Variants in ATM observed in about 807,000 individuals in gnomAD.
The protein encoded by ATM is serine-protein kinase ATM.
A neutral mutation model predicts 387.0 loss-of-function variants in ATM; 308 were observed. The observed-to-expected ratio is 0.80, with a 90% CI of 0.73 to 0.87. The LOEUF (loss-of-function observed/expected upper bound fraction) is 0.87. ATM is among the 40% of genes least tolerant of loss of function. ATM has a pLI of 0.00. For synonymous variants in ATM, 1,156 were observed against 1,187.3 expected (o/e 0.97, Z 0.54); for missense variants, 3,312 against 3,560.9 (o/e 0.93, Z 1.78).
intron 61 of ATM, among the ~76,000 whole-genome samples, chr11:108,358,856 G>A (rs1005547600): frequency 2.0e-5 from 3 of 151,154 alleles, no homozygotes; most frequent in Admixed American, 6.6e-5. Flanking sequence ...AAAATGTAAA[G>A]ACCATCGAGA....
At chr11:108,357,310 G>C (rs145703988) in intron 61 of ATM, among the ~76,000 whole-genome samples, 3 of 148,170 alleles carry the variant, frequency 2.0e-5, no homozygotes, top group Non-Finnish European at 3.0e-5. Flanking sequence ...ACGGAGTCTC[G>C]CTGATTGCTA....
chr11:108,332,874 A>T lies in ATM; in HGVS notation c.7901A>T (p.Asp2634Val), dbSNP rs876660909. ...GCTTATATTATATTAGCAAACTTAG[A>T]TGCCACTCAGTGGAAGACTCAGAGA... ...CDAYIILANL[D>V]ATQWKTQRKG... Residue 2634 changes from aspartate (D) to valine (V), a missense_variant, in exon 53 of 63, where the codon GAT becomes GTT. Coordinates refer to ENST00000675843, the MANE Select transcript of ATM (RefSeq NM_000051.4). The T allele has an allele frequency of 6.2e-7, 1 of 1,613,136 alleles. No homozygotes were observed. Among genetic ancestry groups the T allele is most frequent in the African/African-American group, 1.3e-5 (1 of 75,044 alleles).
At chr11:108,280,572 G>A (rs1591634861) in intron 23 of ATM, among the ~76,000 whole-genome samples, 1 of 152,176 alleles carries the variant, frequency 6.6e-6, no homozygotes, top group East Asian at 1.9e-4. Flanking sequence ...TCACATCATG[G>A]AGAATGGGGT....
intron 5 of ATM, among the ~76,000 whole-genome samples, chr11:108,238,112 A>G (rs1356815626): frequency 7.2e-5 from 11 of 151,846 alleles, no homozygotes; most frequent in Non-Finnish European, 8.8e-5. Flanking sequence ...TTTTTAGTAG[A>G]GACAGGGTTT....
chr11:108,228,146 T>C (rs1457842897), intron 3 of ATM, among the ~76,000 whole-genome samples: 1 of 151,798 alleles, frequency 6.6e-6, no homozygotes, highest in African/African-American at 2.4e-5. Context: ...AGAGAGAATT[T>C]CTTTCATTTT....
intron 38 of ATM, 50 bp downstream of exon 38, chr11:108,308,034 G>A: frequency 1.3e-6 from 2 of 1,504,878 alleles, no homozygotes; most frequent in African/African-American, 1.4e-5. Flanking sequence ...AGTGTAACTT[G>A]TTAACTATCG....
chr11:108,246,036 C>A (rs2079832846), intron 7 of ATM, among the ~76,000 whole-genome samples: 1 of 152,024 alleles, frequency 6.6e-6, no homozygotes, highest in Non-Finnish European at 1.5e-5. Context: ...GTTGGCCAAG[C>A]TGGCCTTGAG....
chr11:108,356,716 A>G (rs1013362920), intron 61 of ATM, among the ~76,000 whole-genome samples: 1 of 152,188 alleles, frequency 6.6e-6, no homozygotes, highest in Non-Finnish European at 1.5e-5. Context: ...AGAAGAAGGT[A>G]GTTCTTTTAG....
rs587779853 is a variant in ATM at position 108,316,075 on chromosome 11, G to T, written c.6160G>T (p.Ala2054Ser). 8.1e-6 allele frequency: 13 copies of T among 1,614,012 alleles called. No homozygotes were observed. In the African/African-American group the frequency reaches 1.7e-4, roughly 22 times the overall value. Residue 2054 changes from alanine (A) to serine (S), a missense_variant, in exon 42 of 63, where the codon GCA (alanine) becomes TCA (serine). Coordinates refer to ENST00000675843, the MANE Select transcript of ATM (RefSeq NM_000051.4). ...KALVTYDLETAIPSSTRQAGI... is the reference protein window; with the variant it reads ...KALVTYDLETSIPSSTRQAGI... ...CCTAGTAACATATGACCTCGAAACAGCAATCCCCTCATCAACACGCCAGGC... is the reference window on the plus strand; with the variant it reads ...CCTAGTAACATATGACCTCGAAACATCAATCCCCTCATCAACACGCCAGGC...
chr11:108,251,203 T>C (rs1408414249), intron 10 of ATM, 131 bp downstream of exon 10: 14 of 1,398,426 alleles, frequency 1.0e-5, no homozygotes, highest in Non-Finnish European at 1.4e-5. Flanking sequence ...CAGATGCTTT[T>C]CTTGTTTGGC....
intron 43 of ATM, among the ~76,000 whole-genome samples, chr11:108,317,913 CAT>C (rs2084889485): frequency 6.6e-6 from 1 of 151,834 alleles, no homozygotes; most frequent in South Asian, 2.1e-4. Context: ...TATCATCTCG[CAT>C]AGTTTGTTGG....
At chr11:108,305,772 G>A (rs1213335727) in intron 37 of ATM, among the ~76,000 whole-genome samples, 1 of 152,098 alleles carries the variant, frequency 6.6e-6, no homozygotes, top group African/African-American at 2.4e-5. Flanking sequence ...GGTTGGGTAT[G>A]TATAATACAT....
At chr11:108,282,981 C>A in intron 25 of ATM, 102 bp downstream of exon 25, 1 of 740,742 alleles carries the variant, frequency 1.3e-6, no homozygotes, top group Non-Finnish European at 2.2e-6. Flanking sequence ...TACCCATACA[C>A]ATGTGTGTGT....
intron 42 of ATM, 106 bp downstream of exon 42, chr11:108,316,219 C>T: frequency 1.9e-6 from 2 of 1,056,762 alleles, no homozygotes; most frequent in South Asian, 2.7e-5. Context: ...AGAGATAAGA[C>T]TAGAACTTAT....
chr11:108,312,467 A>C lies in ATM; in HGVS notation c.5975A>C (p.Lys1992Thr), dbSNP rs150757822. 2.2e-4 allele frequency: 344 copies of C among 1,590,620 alleles called. 2 individuals are homozygous for C. The highest frequency in any genetic ancestry group is 8.3e-4 in the Middle Eastern group (5 of 6,008). Residue 1992 changes from lysine (K) to threonine (T), a missense_variant, in exon 40 of 63, where the codon AAA becomes ACA. Coordinates refer to ENST00000675843, the MANE Select transcript of ATM (RefSeq NM_000051.4). ...ACAACTATTTCTAGCTTGAGTGAAA[A>C]AAGTAAAGAAGAAACTGGAATAAGT... ...QSTTISSLSEKSKEETGISLQ... is the reference protein window; with the variant it reads ...QSTTISSLSETSKEETGISLQ...
chr11:108,266,723 A>G (rs1475490614), intron 16 of ATM, among the ~76,000 whole-genome samples: 1 of 152,024 alleles, frequency 6.6e-6, no homozygotes, highest in Non-Finnish European at 1.5e-5. Context: ...ATTGTTGGAC[A>G]TTTAGTAGAA....
At chr11:108,260,099 A>G (rs949518187) in intron 16 of ATM, among the ~76,000 whole-genome samples, 7 of 147,044 alleles carry the variant, frequency 4.8e-5, no homozygotes, top group East Asian at 2.0e-4. Flanking sequence ...CAGTGGCACA[A>G]TCTCGGCTCA....
At chr11:108,313,247 C>A (rs1265528329) in intron 40 of ATM, among the ~76,000 whole-genome samples, 1 of 152,174 alleles carries the variant, frequency 6.6e-6, no homozygotes, top group East Asian at 1.9e-4. Flanking sequence ...TCCCTCTGAA[C>A]TATGTTCTGA....
chr11:108,237,527 A>G (rs1036851339), intron 5 of ATM, among the ~76,000 whole-genome samples: 2 of 150,730 alleles, frequency 1.3e-5, no homozygotes, highest in Non-Finnish European at 3.0e-5. Context: ...CCCGGATGTT[A>G]CTTCTTATAA....
Sources: gnomAD v4.1 joint callset for allele counts (sites outside exome capture counted in the v4.1 genomes callset) on GRCh38, gnomAD v4.1.1 for gene constraint, MANE v1.5 for transcripts, NCBI Gene and HGNC (gene_info 2026-07-23, HGNC 2026-07-21) for gene names.